Variants in SPATA1 observed in about 807,000 individuals in gnomAD.
SPATA1 encodes spermatogenesis associated 1.
SPATA1 carries 57 observed loss-of-function variants against 59.6 expected under a neutral mutation model. The ratio of observed to expected loss-of-function variants is 0.96; its 90% CI spans 0.77 to 1.19. The LOEUF (loss-of-function observed/expected upper bound fraction) is 1.19. SPATA1 is among the 50% of genes most tolerant of loss of function. The probability of loss-of-function intolerance (pLI) is 0.00; values close to 1 mark genes in which losing one functional copy is unlikely to be tolerated. For synonymous variants in SPATA1, 147 were observed against 163.9 expected (o/e 0.90, Z 0.79); for missense variants, 448 against 480.7 (o/e 0.93, Z 0.64).
intron 4 of SPATA1, among the ~76,000 whole-genome samples, chr1:84,561,983 A>T (rs1346196892): frequency 6.6e-6 from 1 of 152,206 alleles, no homozygotes; most frequent in Non-Finnish European, 1.5e-5. Context: ...TGACTCTGCA[A>T]TATCTCTAAG....
intron 4 of SPATA1, among the ~76,000 whole-genome samples, chr1:84,560,540 A>G (rs796336091): frequency 2.6e-5 from 4 of 152,308 alleles, no homozygotes; most frequent in African/African-American, 7.2e-5. Flanking sequence ...TGTCGGGTAA[A>G]ATTATGATCA....
Position 84,526,116 on chromosome 1 carries a change from G to C in SPATA1, c.544+43G>C, listed in dbSNP as rs937639868. The stretch of plus-strand genomic sequence containing the variant: ...TGGGAAAAAGAAAGAGGCTATTATA[G>C]TACATTTTAGCAGTCAAGTCTGTAA... On this transcript the variant is annotated intron_variant, in intron 6 of 12. Coordinates refer to ENST00000490879, the Ensembl canonical transcript of SPATA1. The C allele has an allele frequency of 3.3e-6, 5 of 1,510,174 alleles. No individual in the cohort carries two copies. The South Asian group carries it at 4.8e-5, about 15-fold the overall frequency. 93.5% of individuals were successfully genotyped at this position (1,510,174 alleles called of 1,614,324 possible).
downstream of SPATA1, among the ~76,000 whole-genome samples, chr1:84,566,476 T>G (rs1251246202): frequency 6.6e-6 from 1 of 152,220 alleles, no homozygotes; most frequent in Non-Finnish European, 1.5e-5. Context: ...TTCAGCCTGA[T>G]TCACAATCAC....
intron 3 of SPATA1, among the ~76,000 whole-genome samples, chr1:84,521,245 A>G (rs1234279176): frequency 6.6e-6 from 1 of 152,198 alleles, no homozygotes; most frequent in Non-Finnish European, 1.5e-5. Flanking sequence ...TTAAAGCAAT[A>G]TATCTACAAC....
intron 6 of SPATA1, among the ~76,000 whole-genome samples, chr1:84,531,764 T>C (rs188061583): frequency 2.0e-5 from 3 of 151,578 alleles, no homozygotes; most frequent in Non-Finnish European, 4.4e-5. Context: ...TCTAGAGATA[T>C]TGCCCAGGCT....
At position 84,525,685 on chromosome 1, in the gene SPATA1, C is replaced by T. The variant is rs367843236; in HGVS notation, c.262-11C>T. 4.0e-5 allele frequency: 62 copies of T among 1,566,556 alleles called. 1 individual carries two copies. The East Asian group carries it at 8.2e-4, about 21-fold the overall frequency. Reference sequence around the variant, plus strand: ...AAAAGCTTTAATTTTTTTCTCACTACTTATTTCTAGGTGAAGGAAAAGCAA... The same window carrying T: ...AAAAGCTTTAATTTTTTTCTCACTATTTATTTCTAGGTGAAGGAAAAGCAA... On this transcript the variant is annotated splice_polypyrimidine_tract_variant and intron_variant, in intron 4 of 12. Transcript: ENST00000490879.
chr1:84,555,558 T>C (rs1440563864), downstream of SPATA1, among the ~76,000 whole-genome samples: 2 of 152,226 alleles, frequency 1.3e-5, no homozygotes, highest in Non-Finnish European at 2.9e-5. Flanking sequence ...ACTTTCTAGG[T>C]ATTATTGCTT....
intron 4 of SPATA1, among the ~76,000 whole-genome samples, chr1:84,525,027 A>G (rs1015845279): frequency 1.3e-4 from 20 of 152,110 alleles, no homozygotes; most frequent in African/African-American, 3.6e-4. Context: ...CCCAGGCTGG[A>G]GTGCAGTGGT....
In SPATA1 at chr1:84,517,446, C is replaced by T. The variant is rs181963474; in HGVS notation, c.36+1051C>T. Among the ~76,000 whole-genome samples the T allele has an allele frequency of 5.5e-4, 83 of 152,266 alleles. No individual in the cohort carries two copies. The Middle Eastern group carries it at 0.017, about 31-fold the overall frequency. ...TCCTCTTTCCCAAATTCCAGATTCA[C>T]GTAGGCCTATATTCAACTGACTAAC... On this transcript the variant is annotated intron_variant, in intron 2 of 12. Transcript: ENST00000490879.
chr1:84,526,980 T>C (rs1242999197), intron 6 of SPATA1, among the ~76,000 whole-genome samples: 2 of 149,306 alleles, frequency 1.3e-5, no homozygotes, highest in South Asian at 4.2e-4. Context: ...GAAAAAAAGA[T>C]AGGTAATTTA....
intron 8 of SPATA1, among the ~76,000 whole-genome samples, chr1:84,541,951 GTTTT>G (rs1168558548): frequency 3.3e-5 from 5 of 149,760 alleles, no homozygotes; most frequent in Admixed American, 3.3e-4. Flanking sequence ...TTGTTTGTTT[GTTTT>G]TTTGTTGTTG....
At chr1:84,547,071 A>T (rs962886383) in intron 10 of SPATA1, among the ~76,000 whole-genome samples, 2 of 152,208 alleles carry the variant, frequency 1.3e-5, no homozygotes, top group African/African-American at 4.8e-5. Context: ...ACTAGAACTG[A>T]TTGAAGGTTA....
At chr1:84,518,542 T>C (rs1682887011) in intron 2 of SPATA1, among the ~76,000 whole-genome samples, 1 of 152,072 alleles carries the variant, frequency 6.6e-6, no homozygotes, top group Admixed American at 6.6e-5. Context: ...CAGATCTTAA[T>C]GTTTCTCTTA....
chr1:84,545,798 ACTT>A, intron 10 of SPATA1, 39 bp downstream of exon 10: 1 of 1,363,740 alleles, frequency 7.3e-7, no homozygotes, highest in Non-Finnish European at 9.6e-7. Flanking sequence ...TATAAAGAAA[ACTT>A]AAGTTTTACA....
intron 1 of SPATA1, among the ~76,000 whole-genome samples, chr1:84,509,146 A>T (rs1402842939): frequency 6.6e-6 from 1 of 151,998 alleles, no homozygotes; most frequent in African/African-American, 2.4e-5. Context: ...TGGAGGAATC[A>T]TGTTACCTGA....
At chr1:84,544,092 A>T in intron 8 of SPATA1, 110 bp from the exon 9 acceptor site, 1 of 710,080 alleles carries the variant, frequency 1.4e-6, no homozygotes, top group South Asian at 1.8e-5. Flanking sequence ...GTTCATCACC[A>T]CTAAGTAAAA....
At chr1:84,562,145 C>T (rs1684607163) in intron 4 of SPATA1, among the ~76,000 whole-genome samples, 1 of 152,106 alleles carries the variant, frequency 6.6e-6, no homozygotes, top group Admixed American at 6.6e-5. Flanking sequence ...CTTCTCAAAC[C>T]CATTAATATA....
chr1:84,540,782 A>G (rs1191408538), intron 8 of SPATA1, among the ~76,000 whole-genome samples: 2 of 152,230 alleles, frequency 1.3e-5, no homozygotes, highest in African/African-American at 4.8e-5. Context: ...TAGAGCAAGG[A>G]TGGGCAGACT....
rs140165890 is a variant in SPATA1, at chr1:84,545,052, T to C, written c.821-582T>C. Among the ~76,000 whole-genome samples the C allele has an allele frequency of 8.1e-3, 1,211 of 149,456 alleles. 57 individuals are homozygous for C. In the East Asian group the frequency reaches 0.13, roughly 16 times the overall value. ...GGTGAAACCCCATCTCTACTAAAAA[T>C]ACAAAAAAATACAAAAAAATTAGGC... On this transcript the variant is annotated intron_variant, in intron 9 of 12. Coordinates refer to ENST00000490879, the Ensembl canonical transcript of SPATA1.
Sources: allele counts gnomAD v4.1 joint callset (sites outside exome capture counted in the v4.1 genomes callset), GRCh38; gene constraint gnomAD v4.1.1; transcripts MANE v1.5; gene names NCBI Gene and HGNC (gene_info 2026-07-23, HGNC 2026-07-21).